The following DNAH14 variants were observed in gnomAD, a reference collection of about 807,000 sequenced individuals.
DNAH14 encodes the protein dynein axonemal heavy chain 14.
A neutral mutation model predicts 520.9 loss-of-function variants in DNAH14; 478 were observed. That is an observed-to-expected ratio of 0.92 (90% CI 0.85 to 0.99). The LOEUF (loss-of-function observed/expected upper bound fraction) is 0.99. DNAH14 is among the 50% of genes least tolerant of loss of function. DNAH14 has a pLI of 0.00. For missense variants in DNAH14, 4,831 were observed against 5,234.5 expected, an observed-to-expected ratio of 0.92 and a Z score of 2.38; for synonymous variants, 1,581 against 1,757.2, an observed-to-expected ratio of 0.90 and a Z score of 2.51.
chr1:225,334,788 G>A (rs888038158), intron 66 of DNAH14, among the ~76,000 whole-genome samples: 1 of 151,758 alleles, frequency 6.6e-6, no homozygotes, highest in Admixed American at 6.6e-5. Flanking sequence ...AGGATCGCTT[G>A]AGCCCAGGAG....
chr1:225,090,938 A>G (rs2074327789), intron 21 of DNAH14, among the ~76,000 whole-genome samples: 1 of 152,172 alleles, frequency 6.6e-6, no homozygotes. Flanking sequence ...ACAAATATAA[A>G]CCAGAGACTG....
chr1:225,360,940 T>C (rs1395122425), intron 75 of DNAH14, 49 bp downstream of exon 75: 1 of 1,497,734 alleles, frequency 6.7e-7, no homozygotes, highest in Non-Finnish European at 9.1e-7. Flanking sequence ...TTACCAAAAC[T>C]ATAAAGTAAA....
chr1:225,310,612 C>T (rs904544385), intron 60 of DNAH14, among the ~76,000 whole-genome samples: 8 of 152,150 alleles, frequency 5.3e-5, no homozygotes, highest in African/African-American at 1.7e-4. Context: ...CCTCACCCCC[C>T]GACAGGCCCC....
chr1:225,310,897 A>G (rs12402279), intron 60 of DNAH14, among the ~76,000 whole-genome samples: 76,495 of 152,030 alleles, frequency 0.5, 20,764 homozygotes, highest in African/African-American at 0.7. Context: ...GAATACTCCC[A>G]CAATAAACAT....
rs376576030 is a variant in DNAH14 at position 225,038,627 on chromosome 1, G to A, written c.1359-67G>A. 5 of 1,425,332 alleles carry A rather than the reference G, an allele frequency of 3.5e-6. No individual in the cohort carries two copies. In the African/African-American group the frequency reaches 4.5e-5, roughly 13 times the overall value. 88.3% of individuals were successfully genotyped at this position (1,425,332 alleles called of 1,614,324 possible). A position where few individuals can be genotyped will look rare whatever the true frequency, so the allele number is the denominator to read the frequency against. On this transcript the variant is annotated intron_variant, in intron 11 of 85. Transcript: ENST00000682510. ...GTTGCTTTTTGTTGTTGAGTTGTAG[G>A]TGTTCTTTATATATGTAGATATAAA...
intron 27 of DNAH14, among the ~76,000 whole-genome samples, chr1:225,130,071 C>G (rs1394052170): frequency 2.6e-5 from 4 of 152,206 alleles, no homozygotes; most frequent in African/African-American, 7.2e-5. Flanking sequence ...TGAAAAAATG[C>G]TCACCATCAC....
At chr1:225,214,456 C>T (rs965794761) in intron 41 of DNAH14, among the ~76,000 whole-genome samples, 4 of 152,046 alleles carry the variant, frequency 2.6e-5, no homozygotes, top group African/African-American at 7.2e-5. Context: ...TCTTTTTCTA[C>T]TGATTGGAAT....
At chr1:225,338,460 G>C (rs748496146) in intron 68 of DNAH14, among the ~76,000 whole-genome samples, 32 of 152,244 alleles carry the variant, frequency 2.1e-4, no homozygotes, top group South Asian at 1.2e-3. Flanking sequence ...GCAGAGGGGA[G>C]CAAGCGAGAA....
At chr1:225,249,470 G>A (rs2092450437) in intron 43 of DNAH14, among the ~76,000 whole-genome samples, 1 of 152,092 alleles carries the variant, frequency 6.6e-6, no homozygotes, top group Non-Finnish European at 1.5e-5. Context: ...CTTGCCCCAG[G>A]GAGTAAATGA....
intron 75 of DNAH14, among the ~76,000 whole-genome samples, chr1:225,361,746 A>G (rs10915815): frequency 1 from 152,026 of 152,368 alleles, 75,843 homozygotes; most frequent in Middle Eastern, 1. Context: ...CCAGCGGGGC[A>G]CAGTGGCTCA....
At chr1:225,381,670 G>A (rs1295447735) in intron 81 of DNAH14, 91 bp downstream of exon 81, 1 of 1,009,632 alleles carries the variant, frequency 9.9e-7, no homozygotes, top group Non-Finnish European at 1.4e-6. Context: ...GTGCATCTGT[G>A]TGATGAAATA....
chr1:225,299,742 T>A (rs2094100679), intron 55 of DNAH14, among the ~76,000 whole-genome samples: 1 of 152,196 alleles, frequency 6.6e-6, no homozygotes, highest in Non-Finnish European at 1.5e-5. Flanking sequence ...CCAGGCTTCT[T>A]CTGGCCATAT....
At chr1:224,979,075 G>T (rs1369684919) in intron 8 of DNAH14, among the ~76,000 whole-genome samples, 1 of 152,152 alleles carries the variant, frequency 6.6e-6, no homozygotes, top group Non-Finnish European at 1.5e-5. Context: ...TGGATTAGGG[G>T]TGGGGCAAGA....
chr1:225,391,371 C>G (rs2095910333), intron 83 of DNAH14, among the ~76,000 whole-genome samples: 1 of 151,966 alleles, frequency 6.6e-6, no homozygotes, highest in South Asian at 2.1e-4. Context: ...ACTCAGGAGG[C>G]TGAGGCAGGA....
chr1:225,287,141 A>G (rs1012873918), intron 54 of DNAH14, among the ~76,000 whole-genome samples: 5 of 152,208 alleles, frequency 3.3e-5, no homozygotes, highest in African/African-American at 1.2e-4. Context: ...TGGTGAACAC[A>G]TGACACTATA....
intron 8 of DNAH14, among the ~76,000 whole-genome samples, chr1:225,002,232 C>T (rs145504123): frequency 1.1e-3 from 173 of 152,186 alleles, no homozygotes; most frequent in African/African-American, 3.9e-3. Flanking sequence ...TCCCCGAGTT[C>T]TGTCTTTCTG....
intron 30 of DNAH14, among the ~76,000 whole-genome samples, chr1:225,146,324 C>T (rs991060661): frequency 1.3e-5 from 2 of 152,202 alleles, no homozygotes; most frequent in Non-Finnish European, 2.9e-5. Flanking sequence ...GTCTGAGGCT[C>T]TCACTTACTC....
chr1:225,218,619 A>G (rs1436494411), intron 41 of DNAH14, among the ~76,000 whole-genome samples: 1 of 152,214 alleles, frequency 6.6e-6, no homozygotes, highest in Non-Finnish European at 1.5e-5. Flanking sequence ...TAACAATCCT[A>G]AATATGTATG....
At chr1:225,024,189 G>C in intron 11 of DNAH14, 6 of 986,798 alleles carry the variant, frequency 6.1e-6, no homozygotes, top group Non-Finnish European at 7.3e-6. Context: ...TTTTTTATTT[G>C]TTATATCTGG....
Sources: allele counts gnomAD v4.1 joint callset (sites outside exome capture counted in the v4.1 genomes callset), GRCh38; gene constraint gnomAD v4.1.1; transcripts MANE v1.5; gene names NCBI Gene and HGNC (gene_info 2026-07-23, HGNC 2026-07-21).